Variants in PTPN13 observed in about 807,000 individuals in gnomAD.
PTPN13 encodes the protein protein tyrosine phosphatase non-receptor type 13.
Under a neutral mutation model 284.0 loss-of-function variants are expected in PTPN13, and 191 were observed. The ratio of observed to expected loss-of-function variants is 0.67; its 90% confidence interval spans 0.60 to 0.76. The LOEUF (loss-of-function observed/expected upper bound fraction) is 0.76. Ranked by LOEUF, PTPN13 falls within the 30% of genes least tolerant of loss-of-function variation. PTPN13 has a pLI of 0.00. For synonymous variants in PTPN13, 986 were observed against 1,022.3 expected, an observed-to-expected ratio of 0.96 and a Z score of 0.68; for missense variants, 2,797 against 2,939.9, an observed-to-expected ratio of 0.95 and a Z score of 1.12.
intron 1 of PTPN13, among the ~76,000 whole-genome samples, chr4:86,611,006 T>G (rs565852863): frequency 2.3e-4 from 35 of 152,352 alleles, no homozygotes; most frequent in Non-Finnish European, 4.4e-4. Flanking sequence ...TGATGTCTTA[T>G]GTGTAAATAT....
intron 28 of PTPN13, among the ~76,000 whole-genome samples, chr4:86,768,667 A>G (rs1314196788): frequency 2.0e-5 from 3 of 150,208 alleles, no homozygotes; most frequent in African/African-American, 7.4e-5. Flanking sequence ...AAATTAATGT[A>G]CTCATTTTAT....
At chr4:86,623,647 A>G (rs1022463823) in intron 1 of PTPN13, among the ~76,000 whole-genome samples, 3 of 152,182 alleles carry the variant, frequency 2.0e-5, no homozygotes, top group African/African-American at 7.2e-5. Flanking sequence ...TGAGATTTCA[A>G]CATTTGGGAT....
rs1723253135 is a variant in PTPN13 at position 86,638,037 on chromosome 4, GACAA to G, written c.115+2670_115+2673del. On this transcript the variant is annotated intron_variant, in intron 2 of 47. Transcript: ENST00000411767. ...CAAGCATTCTTATACACCAATAACAGACAAACAGAGAGCCAAATCATGAGTGAAC... is the reference window on the plus strand; with the variant it reads ...CAAGCATTCTTATACACCAATAACAGACAGAGAGCCAAATCATGAGTGAAC... Among the ~76,000 whole-genome samples the G allele has an allele frequency of 2.0e-5, 3 of 152,122 alleles. No homozygotes were observed. The South Asian group carries it at 6.2e-4, about 32-fold the overall frequency.
chr4:86,811,394 G>A (rs1384770106), intron 47 of PTPN13, among the ~76,000 whole-genome samples: 1 of 152,106 alleles, frequency 6.6e-6, no homozygotes, highest in Admixed American at 6.5e-5. Context: ...TTTGAGAATG[G>A]TACAAAATAC....
intron 35 of PTPN13, 32 bp from the exon 36 acceptor site, chr4:86,780,370 A>G: frequency 6.3e-7 from 1 of 1,577,418 alleles, no homozygotes; most frequent in Non-Finnish European, 8.6e-7. Flanking sequence ...AATGTCCAAG[A>G]CAATTTACAG....
intron 1 of PTPN13, among the ~76,000 whole-genome samples, chr4:86,622,438 CTT>C (rs1177147119): frequency 6.6e-6 from 1 of 152,102 alleles, no homozygotes; most frequent in Non-Finnish European, 1.5e-5. Context: ...GGTAGTAAAA[CTT>C]TACCTATTTG....
intron 15 of PTPN13, among the ~76,000 whole-genome samples, chr4:86,737,931 T>C (rs947027635): frequency 3.3e-5 from 5 of 152,196 alleles, no homozygotes; most frequent in Non-Finnish European, 5.9e-5. Context: ...GGTTTCACCA[T>C]GTTAGCCAGG....
intron 7 of PTPN13, among the ~76,000 whole-genome samples, 176 bp downstream of exon 7, chr4:86,701,977 T>A (rs747687090): frequency 6.6e-6 from 1 of 152,188 alleles, no homozygotes; most frequent in Non-Finnish European, 1.5e-5. Context: ...AAAACCCTAA[T>A]TGAAATACTC....
At chr4:86,780,817 TTAAAA>T (rs1268675989) in intron 36 of PTPN13, among the ~76,000 whole-genome samples, 2 of 152,082 alleles carry the variant, frequency 1.3e-5, no homozygotes, top group Non-Finnish European at 2.9e-5. Flanking sequence ...AAAAAAATAA[TTAAAA>T]TAAACTCAAA....
At chr4:86,703,549 CT>C (rs1033202710) in intron 7 of PTPN13, among the ~76,000 whole-genome samples, 4 of 151,126 alleles carry the variant, frequency 2.6e-5, no homozygotes, top group East Asian at 1.9e-4. Flanking sequence ...TGAATGGTAT[CT>C]TTTTTTTATT....
intron 32 of PTPN13, among the ~76,000 whole-genome samples, chr4:86,774,046 G>T (rs1317588543): frequency 2.0e-5 from 3 of 151,562 alleles, no homozygotes; most frequent in East Asian, 1.9e-4. Flanking sequence ...AGTATTTTTT[G>T]ATCATCAAAG....
At chr4:86,676,116 C>T (rs1013994709) in intron 3 of PTPN13, among the ~76,000 whole-genome samples, 3 of 152,182 alleles carry the variant, frequency 2.0e-5, no homozygotes, top group African/African-American at 7.2e-5. Context: ...TCACACTATA[C>T]CGTACATACT....
intron 1 of PTPN13, among the ~76,000 whole-genome samples, chr4:86,607,130 T>G (rs1297695072): frequency 1.3e-5 from 2 of 151,906 alleles, no homozygotes; most frequent in Admixed American, 6.6e-5. Flanking sequence ...ATGTTTATGA[T>G]TCCTTTAAAA....
At chr4:86,654,345 A>T (rs1725482759) in intron 2 of PTPN13, among the ~76,000 whole-genome samples, 1 of 152,220 alleles carries the variant, frequency 6.6e-6, no homozygotes, top group African/African-American at 2.4e-5. Context: ...AGGGGATATC[A>T]CCACTGATCC....
chr4:86,646,793 C>T (rs939620240), intron 2 of PTPN13, among the ~76,000 whole-genome samples: 1 of 151,984 alleles, frequency 6.6e-6, no homozygotes, highest in Non-Finnish European at 1.5e-5. Flanking sequence ...TTGTAGTAAC[C>T]AACAGCTGGA....
intron 23 of PTPN13, among the ~76,000 whole-genome samples, chr4:86,761,139 A>ATATATATATATATAT (rs1738622051): frequency 1.7e-5 from 2 of 120,694 alleles, no homozygotes; most frequent in Admixed American, 1.7e-4. Flanking sequence ...TGTGTGTGTA[A>ATATATATATATATAT]ATATATATAT....
chr4:86,796,862 T>C lies in PTPN13; in HGVS notation c.6346-12T>C. The C allele has an allele frequency of 6.8e-7, 1 of 1,460,028 alleles. No homozygotes were observed. The highest frequency in any genetic ancestry group is 9.4e-7 in the Non-Finnish European group (1 of 1,063,326). The allele number at this position is 1,460,028 out of a possible 1,614,324, so 90.4% of individuals were successfully genotyped here. Reference sequence around the variant, plus strand: ...AATGGGCTGATTTGATTCTTATATATTTTTATTGTAGGCCACCAAAATGAA... The same window carrying C: ...AATGGGCTGATTTGATTCTTATATACTTTTATTGTAGGCCACCAAAATGAA... On this transcript the variant is annotated splice_polypyrimidine_tract_variant and intron_variant, in intron 40 of 47. Coordinates refer to ENST00000411767, the MANE Select transcript of PTPN13 (RefSeq NM_080683.3).
rs141727169 is a variant in PTPN13 at position 86,709,956 on chromosome 4, T to C, written c.1196-6574T>C. On this transcript the variant is annotated intron_variant, in intron 7 of 47. Transcript: ENST00000411767. ...CTTGTATGAGCTTTGTTCACCCAGG[T>C]TAAAAATTTTATTCATTATGTCTAG... 8.7e-3 allele frequency among the ~76,000 whole-genome samples: 1,323 copies of C among 152,302 alleles called. 26 individuals carry two copies. The highest frequency in any genetic ancestry group is 0.029 in the African/African-American group (1,217 of 41,570).
chr4:86,767,680 T>TC (rs1171860427), intron 27 of PTPN13, 137 bp from the exon 28 acceptor site: 2 of 618,074 alleles, frequency 3.2e-6, no homozygotes, highest in African/African-American at 3.7e-5. Context: ...ATTTTTTTTT[T>TC]CTCCCCCTTC....
Sources: allele counts gnomAD v4.1 joint callset (sites outside exome capture counted in the v4.1 genomes callset), GRCh38; gene constraint gnomAD v4.1.1; transcripts MANE v1.5; gene names NCBI Gene and HGNC (gene_info 2026-07-23, HGNC 2026-07-21).